CDH4: variants seen among roughly 807,000 people sequenced by gnomAD.
The protein encoded by CDH4 is cadherin-4.
In CDH4, 33 loss-of-function variants were observed where a neutral mutation model predicts 86.0. The observed-to-expected ratio is 0.38, with a 90% confidence interval of 0.29 to 0.51. The LOEUF (loss-of-function observed/expected upper bound fraction) is 0.51. CDH4 is among the 20% of genes least tolerant of loss of function. The probability of loss-of-function intolerance (pLI) is 0.86; values close to 1 mark genes in which losing one functional copy is unlikely to be tolerated. For missense variants in CDH4, 1,114 were observed against 1,307.4 expected, an observed-to-expected ratio of 0.85 and a Z score of 2.28; for synonymous variants, 555 against 549.4, an observed-to-expected ratio of 1.01 and a Z score of -0.14.
At chr20:61,794,872 A>G (rs182348831) in intron 4 of CDH4, among the ~76,000 whole-genome samples, 11 of 152,202 alleles carry the variant, frequency 7.2e-5, no homozygotes, top group Admixed American at 3.9e-4. Context: ...AAATGTAACT[A>G]TGCGCCTTAT....
At chr20:61,627,815 G>T (rs566697273) in intron 2 of CDH4, among the ~76,000 whole-genome samples, 8 of 152,190 alleles carry the variant, frequency 5.3e-5, no homozygotes, top group African/African-American at 1.7e-4. Flanking sequence ...GGGTGGGGCA[G>T]GGTGGTTCTG....
At chr20:61,893,144 ACGAG>A (rs1217193893) in intron 7 of CDH4, among the ~76,000 whole-genome samples, 3 of 84,230 alleles carry the variant, frequency 3.6e-5, no homozygotes, top group Non-Finnish European at 7.2e-5. Context: ...GGATAGATGG[ACGAG>A]TGGGTGAATA....
At chr20:61,356,842 G>T (rs2084753202) in intron 2 of CDH4, among the ~76,000 whole-genome samples, 3 of 152,214 alleles carry the variant, frequency 2.0e-5, no homozygotes, top group Admixed American at 1.3e-4. Context: ...ATTGGATCTA[G>T]GTGGGGATTA....
rs575629272 is a variant in CDH4, at chr20:61,516,824, C to T, written c.170-226739C>T. ...TGCTTTCTTCTTGGGAACCTGGGCTCGCTGTCCACACAGCCCCTGCTCCCC... is the reference window on the plus strand; with the variant it reads ...TGCTTTCTTCTTGGGAACCTGGGCTTGCTGTCCACACAGCCCCTGCTCCCC... On this transcript the variant is annotated intron_variant, in intron 2 of 15. Transcript: ENST00000614565. This position sits in a 1 kb window ranked among gnomAD's most constrained non-coding sequence, Gnocchi z 4.0. Among the ~76,000 whole-genome samples, 25 of 152,328 alleles carry T rather than the reference C, an allele frequency of 1.6e-4. No homozygotes were observed. The highest frequency in any genetic ancestry group is 4.3e-4 in the African/African-American group (18 of 41,576).
chr20:61,556,777 G>A (rs536465631), intron 2 of CDH4, among the ~76,000 whole-genome samples: 63 of 152,260 alleles, frequency 4.1e-4, no homozygotes, highest in Admixed American at 7.2e-4. Flanking sequence ...TGAGGCAGGT[G>A]GCCAGTGGCT....
At chr20:61,273,709 G>A (rs1016360380) in intron 2 of CDH4, among the ~76,000 whole-genome samples, 1 of 150,482 alleles carries the variant, frequency 6.6e-6, no homozygotes, top group African/African-American at 2.5e-5. Flanking sequence ...GTGCAGTTTG[G>A]GTAAGTACCA....
chr20:61,840,925 G>A (rs1982135075), intron 4 of CDH4, among the ~76,000 whole-genome samples: 1 of 152,264 alleles, frequency 6.6e-6, no homozygotes, highest in Non-Finnish European at 1.5e-5. Flanking sequence ...CGGCCTGATG[G>A]CCAAAACGTA....
At chr20:61,652,930 ATTTATTTATTT>A (rs1331415157) in intron 2 of CDH4, among the ~76,000 whole-genome samples, 1 of 108,036 alleles carries the variant, frequency 9.3e-6, no homozygotes, top group African/African-American at 3.1e-5. Context: ...TTATTTATTT[ATTTATTTATTT>A]TTTTTTTTTT....
intron 2 of CDH4, among the ~76,000 whole-genome samples, chr20:61,569,225 G>T (rs1304374819): frequency 6.6e-6 from 1 of 152,226 alleles, no homozygotes; most frequent in African/African-American, 2.4e-5. Flanking sequence ...TAACTGAGAT[G>T]AGAGGCGTGG....
At chr20:61,620,732 A>T (rs961112549) in intron 2 of CDH4, among the ~76,000 whole-genome samples, 1 of 152,156 alleles carries the variant, frequency 6.6e-6, no homozygotes, top group African/African-American at 2.4e-5. Context: ...TGGGAGAGCA[A>T]TGTTTGTTTC....
intron 2 of CDH4, among the ~76,000 whole-genome samples, chr20:61,282,916 ATGTACGTGCATTTGCACGCGTGTGC>A (rs2084268902): frequency 6.7e-6 from 1 of 148,960 alleles, no homozygotes. Flanking sequence ...GGCGTGTGTG[ATGTACGTGCATTTGCACGCGTGTGC>A]TGTGGCGTGT....
At chr20:61,563,800 T>C (rs2086240764) in intron 2 of CDH4, among the ~76,000 whole-genome samples, 1 of 152,186 alleles carries the variant, frequency 6.6e-6, no homozygotes, top group African/African-American at 2.4e-5. Context: ...CGCCCCGTAA[T>C]GGGCATAGGG....
chr20:61,673,621 T>C (rs1464597538), intron 2 of CDH4, among the ~76,000 whole-genome samples: 3 of 152,322 alleles, frequency 2.0e-5, no homozygotes, highest in East Asian at 1.9e-4. Flanking sequence ...CGTTCTTGAA[T>C]ATTTATCCAT....
At chr20:61,497,973 C>T (rs533314550) in intron 2 of CDH4, among the ~76,000 whole-genome samples, 14 of 148,044 alleles carry the variant, frequency 9.5e-5, no homozygotes, top group South Asian at 2.1e-4. Context: ...AACCAAACAC[C>T]GCATGTTCTC....
chr20:61,780,576 C>T (rs958299283), intron 4 of CDH4, among the ~76,000 whole-genome samples: 60 of 152,278 alleles, frequency 3.9e-4, no homozygotes, highest in African/African-American at 1.2e-3. Flanking sequence ...AAGATTGTTA[C>T]GTTAGGGATA....
intron 2 of CDH4, among the ~76,000 whole-genome samples, chr20:61,590,630 C>G (rs916537048): frequency 3.3e-5 from 5 of 152,024 alleles, no homozygotes; most frequent in Admixed American, 3.3e-4. Context: ...AACCTTCCCT[C>G]TGCCAGGCTC....
At chr20:61,907,639 C>T (rs2054805108) in intron 8 of CDH4, among the ~76,000 whole-genome samples, 1 of 152,124 alleles carries the variant, frequency 6.6e-6, no homozygotes, top group Non-Finnish European at 1.5e-5. Context: ...CGGCTCAAAA[C>T]GTGTGATGAA....
chr20:61,349,860 G>A (rs1038430722), intron 2 of CDH4, among the ~76,000 whole-genome samples: 1 of 152,154 alleles, frequency 6.6e-6, no homozygotes, highest in African/African-American at 2.4e-5. Context: ...GTGGGACCCA[G>A]CTCAGAGCAC....
intron 4 of CDH4, among the ~76,000 whole-genome samples, chr20:61,773,651 C>T (rs748727836): frequency 1.1e-4 from 17 of 152,178 alleles, no homozygotes; most frequent in Non-Finnish European, 2.4e-4. Flanking sequence ...TTGCTTTTAC[C>T]GCAGAAATAA....
Sources: gnomAD v4.1 joint callset for allele counts (sites outside exome capture counted in the v4.1 genomes callset) on GRCh38, gnomAD v4.1.1 for gene constraint, Gnocchi (gnomAD v3.1) non-coding constraint, MANE v1.5 for transcripts, NCBI Gene and HGNC (gene_info 2026-07-23, HGNC 2026-07-21) for gene names.